GPC3: variants seen among roughly 807,000 people sequenced by gnomAD.
The protein encoded by GPC3 is glypican-3.
Under a neutral mutation model 34.4 loss-of-function variants are expected in GPC3, and 3 were observed. The observed-to-expected ratio is 0.09, with a 90% CI of 0.04 to 0.23. The LOEUF (loss-of-function observed/expected upper bound fraction) is 0.23, where lower values mean the gene tolerates loss of function less well. Among genes scored for constraint, GPC3 ranks in the 10% least tolerant of loss-of-function variants. The pLI, the probability that GPC3 is intolerant of heterozygous loss-of-function variation, is 1.00. For missense variants in GPC3, 351 were observed against 445.6 expected (o/e 0.79, Z 1.91); for synonymous variants, 177 against 174.0 (o/e 1.02, Z -0.13).
At chrX:133,979,698 T>C (rs1182245099) in intron 1 of GPC3, among the ~76,000 whole-genome samples, 1 of 111,653 alleles carries the variant, frequency 9.0e-6, no homozygotes, top group African/African-American at 3.3e-5. Flanking sequence ...TAAATTCCCA[T>C]TACTTTATGC....
intron 5 of GPC3, among the ~76,000 whole-genome samples, chrX:133,667,292 T>C (rs1385773179): frequency 8.9e-6 from 1 of 111,860 alleles, no homozygotes; most frequent in Non-Finnish European, 1.9e-5. Flanking sequence ...ATTATATTCC[T>C]AGGCATTAGT....
In GPC3 at chrX:133,587,502, GT is replaced by G. The variant is rs200367268; in HGVS notation, c.1573+8937del. The stretch of plus-strand genomic sequence containing the variant: ...GGATCATATGGTAGTTCTATTTGTA[GT>G]TTTTTGAGGAATCTCCACACTGTTC... On this transcript the variant is annotated intron_variant, in intron 7 of 7. Transcript: ENST00000370818. Among the ~76,000 whole-genome samples, 48 of 111,590 alleles carry G rather than the reference GT, an allele frequency of 4.3e-4. 1 individual carries two copies. In the East Asian group the frequency reaches 0.012, roughly 28 times the overall value.
intron 2 of GPC3, among the ~76,000 whole-genome samples, chrX:133,827,034 G>A (rs1253366754): frequency 8.9e-6 from 1 of 112,099 alleles, no homozygotes; most frequent in African/African-American, 3.2e-5. Flanking sequence ...AGTAGATAGA[G>A]GTGGTGGTTG....
chrX:133,913,084 C>T (rs1019640971), intron 2 of GPC3, among the ~76,000 whole-genome samples: 5 of 108,602 alleles, frequency 4.6e-5, no homozygotes, highest in Admixed American at 9.8e-5. Flanking sequence ...TAGGACTAGG[C>T]ATGGGTAAGA....
At position 133,560,771 on chromosome X, in the gene GPC3, T is replaced by C. The variant is rs755653530; in HGVS notation, c.1574-24478A>G. Reference sequence around the variant, plus strand: ...AAAAAAGTCCCTATTTCTTCATATATTGAAACATCACATTGTACTCCACAA... The same window carrying C: ...AAAAAAGTCCCTATTTCTTCATATACTGAAACATCACATTGTACTCCACAA... On this transcript the variant is annotated intron_variant, in intron 7 of 7. Transcript: ENST00000370818. Among the ~76,000 whole-genome samples, 319 of 110,454 alleles carry C rather than the reference T, an allele frequency of 2.9e-3. 1 individual carries two copies. The highest frequency in any genetic ancestry group is 9.9e-3 in the African/African-American group (301 of 30,412).
chrX:133,767,899 C>T (rs775656575), intron 2 of GPC3, among the ~76,000 whole-genome samples: 60 of 103,159 alleles, frequency 5.8e-4, no homozygotes, highest in African/African-American at 1.9e-3. Flanking sequence ...TTTGCATCCA[C>T]ATTAGAACTG....
chrX:133,896,999 C>T lies in GPC3; in HGVS notation c.337+56051G>A, dbSNP rs1028675198. Among the ~76,000 whole-genome samples the T allele has an allele frequency of 2.6e-4, 28 of 106,248 alleles. 1 individual carries two copies. Among genetic ancestry groups the T allele is most frequent in the Non-Finnish European group, 5.8e-5 (3 of 51,581 alleles). 92.3% of individuals were successfully genotyped at this position (106,248 alleles called of 115,157 possible). ...TCAGCTCACTGCAAGCTCCACCTCC[C>T]GGGTTCACGCCATTCTCCTGCCTCA... On this transcript the variant is annotated intron_variant, in intron 2 of 7. Coordinates refer to ENST00000370818, the MANE Select transcript of GPC3 (RefSeq NM_004484.4).
intron 6 of GPC3, among the ~76,000 whole-genome samples, chrX:133,597,257 A>C (rs1405790574): frequency 2.7e-5 from 3 of 111,994 alleles, no homozygotes; most frequent in Non-Finnish European, 5.6e-5. Flanking sequence ...CTTTTCAGTC[A>C]CATGGCCAAT....
At chrX:133,637,089 A>C (rs1339784150) in intron 6 of GPC3, among the ~76,000 whole-genome samples, 2 of 112,023 alleles carry the variant, frequency 1.8e-5, no homozygotes, top group East Asian at 2.8e-4. Context: ...TCACTTTGAC[A>C]TTTATTTCCT....
rs187326904 is a variant in GPC3 at position 133,895,780 on chromosome X, A to G, written c.337+57270T>C. On this transcript the variant is annotated intron_variant, in intron 2 of 7. Coordinates refer to ENST00000370818, the MANE Select transcript of GPC3 (RefSeq NM_004484.4). ...ACAGGCACACACACATCTCAAAAGC[A>G]TGAATAAAAGCAATCTATATATCCA... 4.4e-3 allele frequency among the ~76,000 whole-genome samples: 492 copies of G among 111,194 alleles called. 2 individuals carry two copies. The highest frequency in any genetic ancestry group is 0.015 in the African/African-American group (467 of 30,562).
chrX:133,572,689 A>G, intron 7 of GPC3, among the ~76,000 whole-genome samples: 1 of 112,047 alleles, frequency 8.9e-6, no homozygotes, highest in Admixed American at 9.5e-5. Flanking sequence ...ATTATAAATA[A>G]CTGTAAACCA....
chrX:133,617,247 C>A (rs780146460), intron 6 of GPC3, among the ~76,000 whole-genome samples: 4 of 111,590 alleles, frequency 3.6e-5, no homozygotes, highest in Non-Finnish European at 7.5e-5. Flanking sequence ...ACAGCCATTT[C>A]TTTTTCTAAT....
chrX:133,800,193 G>A (rs1055245213), intron 2 of GPC3, among the ~76,000 whole-genome samples: 1 of 112,061 alleles, frequency 8.9e-6, no homozygotes, highest in Non-Finnish European at 1.9e-5. Context: ...CAAATTCAGC[G>A]TTTGCGTCCG....
At chrX:133,605,350 C>T (rs1232888064) in intron 6 of GPC3, among the ~76,000 whole-genome samples, 2 of 111,485 alleles carry the variant, frequency 1.8e-5, no homozygotes, top group Non-Finnish European at 3.8e-5. Context: ...TTATTATCTT[C>T]ACAGGGCTGT....
At chrX:133,786,188 T>C (rs2072098883) in intron 2 of GPC3, among the ~76,000 whole-genome samples, 1 of 110,779 alleles carries the variant, frequency 9.0e-6, no homozygotes, top group Non-Finnish European at 1.9e-5. Flanking sequence ...AGGTCAGGAG[T>C]TCGAGACCAG....
intron 2 of GPC3, among the ~76,000 whole-genome samples, chrX:133,942,636 T>A (rs1043131888): frequency 6.2e-5 from 7 of 112,031 alleles, no homozygotes; most frequent in Non-Finnish European, 1.3e-4. Flanking sequence ...AGGGTCGTTT[T>A]ATTTTCCACT....
chrX:133,674,511 A>G (rs2070863971), intron 5 of GPC3, among the ~76,000 whole-genome samples: 1 of 111,724 alleles, frequency 9.0e-6, no homozygotes, highest in Non-Finnish European at 1.9e-5. Context: ...CCTAGCTGAG[A>G]GGAACTTTTT....
At chrX:133,982,063 T>C (rs1349425345) in intron 1 of GPC3, among the ~76,000 whole-genome samples, 1 of 112,279 alleles carries the variant, frequency 8.9e-6, no homozygotes, top group Admixed American at 9.4e-5. Context: ...GATTTTTGTT[T>C]AGAGGAATTT....
chrX:133,781,270 C>T lies in GPC3; in HGVS notation c.338-27094G>A, dbSNP rs770889301. Reference sequence around the variant, plus strand: ...TTCAAAAGTAAATCCACTTGTCTGCCTCATCCACAAAAATGTAATGGGAGT... The same window carrying T: ...TTCAAAAGTAAATCCACTTGTCTGCTTCATCCACAAAAATGTAATGGGAGT... On this transcript the variant is annotated intron_variant, in intron 2 of 7. Transcript: ENST00000370818. 1.3e-4 allele frequency among the ~76,000 whole-genome samples: 15 copies of T among 111,980 alleles called. 1 individual carries two copies. The South Asian group carries it at 5.3e-3, about 39-fold the overall frequency.
Sources: allele counts gnomAD v4.1 joint callset (sites outside exome capture counted in the v4.1 genomes callset), GRCh38; gene constraint gnomAD v4.1.1; transcripts MANE v1.5; gene names NCBI Gene and HGNC (gene_info 2026-07-23, HGNC 2026-07-21).